STPG2: variants seen among roughly 807,000 people sequenced by gnomAD.
The protein encoded by STPG2 is sperm tail PG-rich repeat containing 2.
Under a neutral mutation model 54.2 loss-of-function variants are expected in STPG2, and 56 were observed. That is an observed-to-expected ratio of 1.03 (90% CI 0.83 to 1.29). The LOEUF is 1.29. Among genes scored for constraint, STPG2 ranks in the 50% most tolerant of loss-of-function variants. The probability of loss-of-function intolerance (pLI) is 0.00; values close to 1 mark genes in which losing one functional copy is unlikely to be tolerated. For synonymous variants in STPG2, 200 were observed against 181.8 expected (o/e 1.10, Z -0.81); for missense variants, 596 against 544.9 (o/e 1.09, Z -0.93).
intron 9 of STPG2, among the ~76,000 whole-genome samples, chr4:97,783,404 T>G (rs185191137): frequency 8.5e-5 from 13 of 152,246 alleles, no homozygotes; most frequent in Non-Finnish European, 1.8e-4. Flanking sequence ...AGAATGGCGA[T>G]CATTAAAAAG....
At chr4:97,456,888 T>A (rs1729536832) in intron 4 of STPG2, among the ~76,000 whole-genome samples, 1 of 85,812 alleles carries the variant, frequency 1.2e-5, no homozygotes, top group African/African-American at 2.5e-4. Flanking sequence ...GAGTGCTCCG[T>A]CTCAAAAAAA....
At chr4:97,615,533 C>T (rs975235422) in intron 10 of STPG2, among the ~76,000 whole-genome samples, 1 of 151,940 alleles carries the variant, frequency 6.6e-6, no homozygotes. Flanking sequence ...TGAGATCCTC[C>T]CATATTGGCC....
chr4:97,795,389 T>A (rs956624969), intron 9 of STPG2, among the ~76,000 whole-genome samples: 3 of 152,132 alleles, frequency 2.0e-5, no homozygotes, highest in African/African-American at 7.2e-5. Context: ...ATGTTACCCT[T>A]CTGGTGTCCA....
chr4:97,608,600 A>C (rs554188145), intron 10 of STPG2, among the ~76,000 whole-genome samples: 173 of 152,180 alleles, frequency 1.1e-3, no homozygotes, highest in African/African-American at 3.9e-3. Flanking sequence ...CCTCGGCTTT[A>C]CAAAAGCTGT....
At chr4:98,087,465 A>G (rs962048352) in intron 5 of STPG2, among the ~76,000 whole-genome samples, 1 of 152,016 alleles carries the variant, frequency 6.6e-6, no homozygotes, top group Non-Finnish European at 1.5e-5. Context: ...TCTACTCAAA[A>G]TGCCCTCATC....
chr4:97,615,302 C>T (rs933395861), intron 10 of STPG2, among the ~76,000 whole-genome samples: 3 of 152,162 alleles, frequency 2.0e-5, no homozygotes, highest in Middle Eastern at 3.4e-3. Flanking sequence ...AAGATCCATG[C>T]ATAGTTTTTT....
At chr4:97,602,812 G>T (rs1250844583) in intron 10 of STPG2, among the ~76,000 whole-genome samples, 1 of 151,536 alleles carries the variant, frequency 6.6e-6, no homozygotes, top group Admixed American at 6.6e-5. Flanking sequence ...GTAAAATTTT[G>T]GAATTGAGAG....
intron 9 of STPG2, among the ~76,000 whole-genome samples, chr4:97,812,314 T>A (rs1727765013): frequency 6.6e-6 from 1 of 152,094 alleles, no homozygotes; most frequent in Admixed American, 6.6e-5. Context: ...AAGTCTTTTA[T>A]CTCTACTTGA....
chr4:97,724,062 C>T (rs1724542989), intron 9 of STPG2, among the ~76,000 whole-genome samples: 1 of 152,144 alleles, frequency 6.6e-6, no homozygotes, highest in Admixed American at 6.5e-5. Context: ...AATAAATTGT[C>T]TTCACATATA....
At position 97,506,687 on chromosome 4, in the gene STPG2, A is replaced by C. The variant is rs187234109; in HGVS notation, c.462+206012T>G. Among the ~76,000 whole-genome samples the C allele has an allele frequency of 3.3e-5, 5 of 152,174 alleles. No homozygotes were observed. In the East Asian group the frequency reaches 9.7e-4, roughly 30 times the overall value. On this transcript the variant is annotated intron_variant, in intron 4 of 4. Coordinates refer to the STPG2 transcript ENST00000522676. Reference sequence around the variant, plus strand: ...GTATTCTAAACTCTTAGAATTGCCTAGAAAATGGCAAATGGACTGTTATAT... The same window carrying C: ...GTATTCTAAACTCTTAGAATTGCCTCGAAAATGGCAAATGGACTGTTATAT...
intron 8 of STPG2, among the ~76,000 whole-genome samples, chr4:97,933,014 G>A (rs527660125): frequency 6.6e-6 from 1 of 152,172 alleles, no homozygotes; most frequent in South Asian, 2.1e-4. Context: ...TTTCTCCACA[G>A]TCTTGCCAGC....
At chr4:97,924,082 C>A (rs541413909) in intron 8 of STPG2, among the ~76,000 whole-genome samples, 1 of 152,126 alleles carries the variant, frequency 6.6e-6, no homozygotes, top group Non-Finnish European at 1.5e-5. Context: ...GTCCACACTG[C>A]GTTTATGAGC....
chr4:97,786,476 T>C (rs1056051277), intron 9 of STPG2, among the ~76,000 whole-genome samples: 1 of 152,156 alleles, frequency 6.6e-6, no homozygotes, highest in African/African-American at 2.4e-5. Context: ...CAAGTTCAAA[T>C]GCAGTAGCTC....
intron 10 of STPG2, among the ~76,000 whole-genome samples, chr4:97,590,386 T>C (rs753479989): frequency 9.9e-5 from 15 of 152,076 alleles, no homozygotes; most frequent in Non-Finnish European, 1.9e-4. Flanking sequence ...TCATTATTCC[T>C]TGGATCCAGG....
intron 10 of STPG2, among the ~76,000 whole-genome samples, chr4:97,580,012 C>G (rs578227971): frequency 3.9e-5 from 6 of 151,982 alleles, no homozygotes; most frequent in Non-Finnish European, 8.8e-5. Context: ...CTTGGATTGA[C>G]AGCTTACTCA....
chr4:97,446,157 T>A (rs984493428), intron 4 of STPG2, among the ~76,000 whole-genome samples: 1 of 152,122 alleles, frequency 6.6e-6, no homozygotes, highest in Admixed American at 6.6e-5. Flanking sequence ...AAGCATAACA[T>A]TACAGAAATT....
chr4:97,854,359 C>A (rs952237633), intron 8 of STPG2, among the ~76,000 whole-genome samples: 3 of 151,610 alleles, frequency 2.0e-5, no homozygotes, highest in Non-Finnish European at 4.4e-5. Flanking sequence ...ATAGTTCCTA[C>A]CTTCTTGGGT....
At chr4:97,564,013 G>A (rs979871139) in intron 10 of STPG2, among the ~76,000 whole-genome samples, 13 of 152,140 alleles carry the variant, frequency 8.5e-5, no homozygotes, top group African/African-American at 3.1e-4. Flanking sequence ...CTGTTGATCT[G>A]TCTAATGTTG....
intron 4 of STPG2, among the ~76,000 whole-genome samples, chr4:97,539,890 C>T (rs1442471428): frequency 1.3e-5 from 2 of 152,008 alleles, no homozygotes; most frequent in Non-Finnish European, 2.9e-5. Context: ...GGGTACATAA[C>T]GAAATGAAGG....
Sources: allele counts gnomAD v4.1 joint callset (sites outside exome capture counted in the v4.1 genomes callset), GRCh38; gene constraint gnomAD v4.1.1; transcripts MANE v1.5; gene names NCBI Gene and HGNC (gene_info 2026-07-23, HGNC 2026-07-21).